Variants in NUAK1 observed in about 807,000 individuals in gnomAD.
The protein encoded by NUAK1 is NUAK family kinase 1.
Under a neutral mutation model 56.9 loss-of-function variants are expected in NUAK1, and 26 were observed. The observed-to-expected ratio is 0.46, with a 90% CI of 0.33 to 0.63. NUAK1 has a LOEUF of 0.63. NUAK1 is among the 30% of genes least tolerant of loss of function. NUAK1 has a pLI of 0.02. For synonymous variants in NUAK1, 337 were observed against 336.0 expected, an observed-to-expected ratio of 1.00 and a Z score of -0.03; for missense variants, 727 against 876.1, an observed-to-expected ratio of 0.83 and a Z score of 2.15.
At chr12:106,122,667 G>A (rs1037751213) in intron 1 of NUAK1, among the ~76,000 whole-genome samples, 5 of 152,166 alleles carry the variant, frequency 3.3e-5, no homozygotes. Context: ...ACAGCAACTA[G>A]CTTCCCATTG....
chr12:106,120,635 T>C (rs2032964797), intron 1 of NUAK1, among the ~76,000 whole-genome samples: 1 of 152,100 alleles, frequency 6.6e-6, no homozygotes, highest in South Asian at 2.1e-4. Flanking sequence ...CCCCAGGGAA[T>C]TGATTTCGCA....
chr12:106,087,709 A>C (rs1652018954), intron 2 of NUAK1, among the ~76,000 whole-genome samples: 1 of 152,242 alleles, frequency 6.6e-6, no homozygotes, highest in African/African-American at 2.4e-5. Flanking sequence ...ACAAATAATC[A>C]GGGAAATATC....
rs10685367 is a variant in NUAK1 at position 106,066,468 on chromosome 12, C to CAT, written c.*333_*334insAT. ...CCCTCCTCCAGAAGCATCTGGATGA[C>CAT]TTCTAAGGAAATGCTCCTTCCACAT... On this transcript the variant is annotated 3_prime_UTR_variant, in exon 7 of 7. Transcript: ENST00000261402. 0.22 allele frequency: 64,412 copies of CAT among 294,422 alleles called. 9,289 individuals are homozygous for CAT. The highest frequency in any genetic ancestry group is 0.47 in the African/African-American group (21,798 of 46,642). The allele number at this position is 294,422 out of a possible 1,614,324, so 18.2% of individuals were successfully genotyped here.
intron 1 of NUAK1, among the ~76,000 whole-genome samples, chr12:106,125,435 A>G (rs1484064377): frequency 1.3e-5 from 2 of 152,158 alleles, no homozygotes; most frequent in East Asian, 3.8e-4. Context: ...CCAGCCCTAC[A>G]TCCTGTGATC....
intron 1 of NUAK1, among the ~76,000 whole-genome samples, chr12:106,136,233 T>G (rs551021153): frequency 6.6e-6 from 1 of 152,288 alleles, no homozygotes; most frequent in Non-Finnish European, 1.5e-5. Flanking sequence ...AATCTTTACA[T>G]AATTTTGGGG....
chr12:106,069,893 CT>C (rs1448360488), intron 6 of NUAK1, among the ~76,000 whole-genome samples: 1 of 152,156 alleles, frequency 6.6e-6, no homozygotes, highest in Non-Finnish European at 1.5e-5. Flanking sequence ...GCTGTACACA[CT>C]CTCTATACAG....
At chr12:106,114,113 G>A (rs1448042755) in intron 1 of NUAK1, among the ~76,000 whole-genome samples, 1 of 152,240 alleles carries the variant, frequency 6.6e-6, no homozygotes. Flanking sequence ...ATTGCCCTGG[G>A]AAGGGAGAGA....
At chr12:106,072,626 G>T in intron 5 of NUAK1, 98 bp downstream of exon 5, 4 of 1,341,182 alleles carry the variant, frequency 3.0e-6, no homozygotes, top group South Asian at 1.4e-5. Flanking sequence ...GCTTTTTTAG[G>T]CTCTGTTTTT....
At chr12:106,073,615 C>T (rs997991637) in intron 4 of NUAK1, among the ~76,000 whole-genome samples, 2 of 151,998 alleles carry the variant, frequency 1.3e-5, no homozygotes, top group Admixed American at 6.6e-5. Flanking sequence ...GTCAAGAATT[C>T]GAGACCAGCC....
At chr12:106,108,954 T>G (rs548764402) in intron 1 of NUAK1, among the ~76,000 whole-genome samples, 1 of 152,304 alleles carries the variant, frequency 6.6e-6, no homozygotes, top group African/African-American at 2.4e-5. Flanking sequence ...CTGAGGAAAC[T>G]AAAAGGGCTC....
chr12:106,072,410 T>C (rs2032415476), intron 5 of NUAK1, among the ~76,000 whole-genome samples: 1 of 152,218 alleles, frequency 6.6e-6, no homozygotes, highest in Non-Finnish European at 1.5e-5. Flanking sequence ...TGCCTTTTAT[T>C]AACTTGATCT....
chr12:106,138,029 G>A lies in NUAK1; in HGVS notation c.240+385C>T, dbSNP rs2033145595. ...GGGCTAGCTCCTAGCTGGGAATGTG[G>A]TTCTTTGGAGAGTTGTGGAAATAAG... On this transcript the variant is annotated intron_variant, in intron 1 of 6. Transcript: ENST00000261402. The surrounding 1 kb of genome is among the most constrained non-coding windows in gnomAD (Gnocchi z 5.0). Among the ~76,000 whole-genome samples, 2 of 152,162 alleles carry A rather than the reference G, an allele frequency of 1.3e-5. No individual in the cohort carries two copies. The highest frequency in any genetic ancestry group is 4.1e-4 in the South Asian group (2 of 4,824).
chr12:106,089,543 G>A (rs1304361104), intron 2 of NUAK1, among the ~76,000 whole-genome samples: 1 of 152,210 alleles, frequency 6.6e-6, no homozygotes, highest in East Asian at 1.9e-4. Flanking sequence ...TGTAATCCCA[G>A]CCCTTTGGGA....
chr12:106,086,993 C>T (rs1356471609), intron 2 of NUAK1, 108 bp from the exon 3 acceptor site: 14 of 1,396,108 alleles, frequency 1.0e-5, no homozygotes, highest in South Asian at 1.3e-5. Context: ...GGCAGAGGAT[C>T]GACTGATGGG....
intron 3 of NUAK1, chr12:106,084,168 C>A (rs2032549144): frequency 1.8e-6 from 1 of 542,300 alleles, no homozygotes; most frequent in Non-Finnish European, 3.3e-6. Flanking sequence ...GGAAAAATGA[C>A]TGGAATCTGT....
chr12:106,081,143 AC>A (rs929862124), intron 4 of NUAK1, among the ~76,000 whole-genome samples: 18 of 152,208 alleles, frequency 1.2e-4, no homozygotes, highest in African/African-American at 4.3e-4. Context: ...CCAAAATCAA[AC>A]CATTTTGAAG....
intron 1 of NUAK1, among the ~76,000 whole-genome samples, chr12:106,134,884 C>G (rs2033114942): frequency 6.6e-6 from 1 of 152,090 alleles, no homozygotes. Context: ...GACACACCTC[C>G]CTAATTAATT....
At chr12:106,126,929 G>C (rs1369419556) in intron 1 of NUAK1, among the ~76,000 whole-genome samples, 1 of 152,186 alleles carries the variant, frequency 6.6e-6, no homozygotes, top group Non-Finnish European at 1.5e-5. Context: ...TAAAGTCTAA[G>C]CATCTAAGGA....
chr12:106,096,995 C>T (rs972619715), intron 2 of NUAK1, among the ~76,000 whole-genome samples: 4 of 152,136 alleles, frequency 2.6e-5, no homozygotes, highest in Non-Finnish European at 4.4e-5. Context: ...TCCAATCTCC[C>T]GACAGAAGTT....
Sources: gnomAD v4.1 joint callset for allele counts (sites outside exome capture counted in the v4.1 genomes callset) on GRCh38, gnomAD v4.1.1 for gene constraint, Gnocchi (gnomAD v3.1) non-coding constraint, MANE v1.5 for transcripts, NCBI Gene and HGNC (gene_info 2026-07-23, HGNC 2026-07-21) for gene names.